The following CNTN4 variants were observed in gnomAD, a reference collection of about 807,000 sequenced individuals.
CNTN4 encodes the protein contactin-4.
Under a neutral mutation model 122.5 loss-of-function variants are expected in CNTN4, and 77 were observed. The observed-to-expected ratio is 0.63, with a 90% CI of 0.52 to 0.76. CNTN4 has a LOEUF of 0.76. Among genes scored for constraint, CNTN4 ranks in the 30% least tolerant of loss-of-function variants. The pLI is 0.00. For synonymous variants in CNTN4, 512 were observed against 447.0 expected (o/e 1.15, Z -1.83); for missense variants, 1,256 against 1,259.1 (o/e 1.00, Z 0.04).
At chr3:2,587,271 C>G (rs1022647284) in intron 4 of CNTN4, among the ~76,000 whole-genome samples, 1 of 152,174 alleles carries the variant, frequency 6.6e-6, no homozygotes, top group African/African-American at 2.4e-5. Context: ...AAACTCACAT[C>G]TTTTCTGAGC....
intron 4 of CNTN4, among the ~76,000 whole-genome samples, chr3:2,703,587 C>T (rs1477272245): frequency 6.6e-6 from 1 of 151,902 alleles, no homozygotes; most frequent in African/African-American, 2.4e-5. Flanking sequence ...CTTTCAGTAT[C>T]TAGGAATCTA....
intron 14 of CNTN4, among the ~76,000 whole-genome samples, chr3:3,024,356 A>T (rs1698544732): frequency 6.7e-6 from 1 of 148,922 alleles, no homozygotes; most frequent in South Asian, 2.2e-4. Flanking sequence ...TGCTTAGAGT[A>T]AGATTTGTAC....
chr3:2,627,654 T>A (rs180845285), intron 4 of CNTN4, among the ~76,000 whole-genome samples: 3 of 151,844 alleles, frequency 2.0e-5, no homozygotes, highest in Non-Finnish European at 2.9e-5. Context: ...CCACCACGCC[T>A]GGCTAATTTT....
intron 2 of CNTN4, among the ~76,000 whole-genome samples, chr3:2,154,674 A>T (rs1255939935): frequency 6.6e-6 from 1 of 152,252 alleles, no homozygotes; most frequent in Non-Finnish European, 1.5e-5. Flanking sequence ...CAAATAGTGA[A>T]TAAAGTATTT....
chr3:3,019,765 A>AATATAT (rs67229453), intron 14 of CNTN4, among the ~76,000 whole-genome samples: 1,431 of 137,820 alleles, frequency 0.01, 12 homozygotes, highest in Middle Eastern at 0.023. Context: ...TGTGTACACA[A>AATATAT]ATATATATAT....
At chr3:2,433,688 C>A (rs1347471803) in intron 3 of CNTN4, among the ~76,000 whole-genome samples, 1 of 152,130 alleles carries the variant, frequency 6.6e-6, no homozygotes, top group East Asian at 1.9e-4. Flanking sequence ...TCTAAGAAAT[C>A]TTTGCCCAGA....
At chr3:2,994,614 T>TATATA (rs10695393) in intron 14 of CNTN4, among the ~76,000 whole-genome samples, 1 of 139,238 alleles carries the variant, frequency 7.2e-6, no homozygotes, top group African/African-American at 3.0e-5. Context: ...TATATATATA[T>TATATA]GTGTGTATAT....
chr3:3,037,831 C>T (rs946407049), intron 18 of CNTN4, among the ~76,000 whole-genome samples: 1 of 152,234 alleles, frequency 6.6e-6, no homozygotes, highest in Admixed American at 6.5e-5. Flanking sequence ...AGATTCAGAA[C>T]ATCGTGCTCA....
rs544442787 is a variant in CNTN4, at chr3:2,976,180, C to T, written c.1359-12165C>T. On this transcript the variant is annotated intron_variant, in intron 13 of 24. Coordinates refer to ENST00000418658, the MANE Select transcript of CNTN4 (RefSeq NM_175607.3). ...CTCATGTTCATCATGCACTGTGTCA[C>T]GAAGAACAATTAAAATTAACTCTGT... Among the ~76,000 whole-genome samples, 20 of 152,256 alleles carry T rather than the reference C, an allele frequency of 1.3e-4. No individual in the cohort carries two copies. In the East Asian group the frequency reaches 2.1e-3, roughly 16 times the overall value.
rs116827394 is a variant in CNTN4, at chr3:2,788,998, G to T, written c.359-30488G>T. The stretch of plus-strand genomic sequence containing the variant: ...TTTTTTTTCTCCTGATGCTTTTAAG[G>T]ATTCCCCTGTATTTTATTTTCTCTT... On this transcript the variant is annotated intron_variant, in intron 6 of 24. Coordinates refer to ENST00000418658, the MANE Select transcript of CNTN4 (RefSeq NM_175607.3). Among the ~76,000 whole-genome samples the T allele has an allele frequency of 7.6e-3, 1,160 of 152,128 alleles. 17 individuals carry two copies. Among genetic ancestry groups the T allele is most frequent in the African/African-American group, 0.026 (1,087 of 41,502 alleles).
intron 4 of CNTN4, among the ~76,000 whole-genome samples, chr3:2,671,668 AT>A (rs1397410936): frequency 2.6e-5 from 4 of 152,114 alleles, no homozygotes; most frequent in Admixed American, 2.6e-4. Flanking sequence ...AGGCGCGCTG[AT>A]TTTTAGAATT....
chr3:3,056,049 AG>A, intron 24 of CNTN4, 70 bp from the exon 25 acceptor site: 1 of 1,089,726 alleles, frequency 9.2e-7, no homozygotes, highest in Non-Finnish European at 1.4e-6. Flanking sequence ...TGTTTCAAAA[AG>A]CCCCGTGGCC....
At chr3:2,224,245 G>A (rs138758668) in intron 2 of CNTN4, among the ~76,000 whole-genome samples, 73 of 152,192 alleles carry the variant, frequency 4.8e-4, no homozygotes, top group Middle Eastern at 3.4e-3. Context: ...TCATATTTTC[G>A]GGTGGTGTGT....
intron 2 of CNTN4, among the ~76,000 whole-genome samples, chr3:2,240,619 G>A (rs906673216): frequency 4.6e-5 from 7 of 152,006 alleles, no homozygotes; most frequent in South Asian, 2.1e-4. Context: ...AGACAGTGTC[G>A]GTTTCATATG....
intron 7 of CNTN4, among the ~76,000 whole-genome samples, chr3:2,843,145 G>C (rs1194072601): frequency 6.6e-6 from 1 of 152,134 alleles, no homozygotes; most frequent in Non-Finnish European, 1.5e-5. Context: ...CTGAGCATTT[G>C]ATCTTCTTCC....
chr3:2,133,019 A>C (rs1446116264), intron 2 of CNTN4, among the ~76,000 whole-genome samples: 1 of 152,184 alleles, frequency 6.6e-6, no homozygotes. Context: ...ACAAAGAAAT[A>C]AGAAATAAGT....
intron 8 of CNTN4, among the ~76,000 whole-genome samples, chr3:2,882,257 C>T (rs1226798481): frequency 7.3e-5 from 11 of 151,498 alleles, no homozygotes; most frequent in Admixed American, 5.9e-4. Flanking sequence ...CCTAGCAACT[C>T]GGGGAGGCTG....
intron 7 of CNTN4, among the ~76,000 whole-genome samples, chr3:2,838,403 C>G (rs946508162): frequency 1.3e-5 from 2 of 152,092 alleles, no homozygotes; most frequent in African/African-American, 4.8e-5. Context: ...TAGTCTACCA[C>G]ATTCCTATTC....
chr3:2,338,616 A>G (rs1368601671), intron 2 of CNTN4, among the ~76,000 whole-genome samples: 1 of 150,742 alleles, frequency 6.6e-6, no homozygotes, highest in Admixed American at 6.6e-5. Flanking sequence ...TTATATATAT[A>G]TTTATAGGGA....
Sources: allele counts gnomAD v4.1 joint callset (sites outside exome capture counted in the v4.1 genomes callset), GRCh38; gene constraint gnomAD v4.1.1; transcripts MANE v1.5; gene names NCBI Gene and HGNC (gene_info 2026-07-23, HGNC 2026-07-21).